KIF26A: variants seen among roughly 807,000 people sequenced by gnomAD.
The protein encoded by KIF26A is kinesin-like protein KIF26A.
A neutral mutation model predicts 126.0 loss-of-function variants in KIF26A; 74 were observed. The observed-to-expected ratio is 0.59, with a 90% CI of 0.49 to 0.71. KIF26A has a LOEUF of 0.71. KIF26A is among the 30% of genes least tolerant of loss of function. KIF26A has a pLI of 0.00. For missense variants in KIF26A, 2,984 were observed against 2,763.3 expected, an observed-to-expected ratio of 1.08 and a Z score of -1.79; for synonymous variants, 1,445 against 1,232.7, an observed-to-expected ratio of 1.17 and a Z score of -3.61.
intron 4 of KIF26A, among the ~76,000 whole-genome samples, chr14:104,161,030 C>T (rs1229427724): frequency 9.1e-6 from 1 of 109,952 alleles, no homozygotes; most frequent in Non-Finnish European, 1.9e-5. Context: ...GGAGAGTGCG[C>T]TGCCCGAGGC....
At chr14:104,169,447 C>T (rs1200998786) in intron 5 of KIF26A, among the ~76,000 whole-genome samples, 1 of 152,214 alleles carries the variant, frequency 6.6e-6, no homozygotes, top group Non-Finnish European at 1.5e-5. Context: ...TCCCTTCTCT[C>T]CATGGCAGTC....
intron 4 of KIF26A, 93 bp downstream of exon 4, chr14:104,158,035 C>G: frequency 1.7e-6 from 2 of 1,211,786 alleles, no homozygotes; most frequent in Non-Finnish European, 2.2e-6. Flanking sequence ...TCTTGGGGGA[C>G]CTCGGGCATG....
chr14:104,155,103 T>A (rs987177968), intron 3 of KIF26A, among the ~76,000 whole-genome samples: 1 of 152,150 alleles, frequency 6.6e-6, no homozygotes, highest in African/African-American at 2.4e-5. Context: ...TCCACACCCG[T>A]GCAGGGGTGA....
At chr14:104,165,401 T>A (rs1659086522) in intron 4 of KIF26A, among the ~76,000 whole-genome samples, 1 of 92,630 alleles carries the variant, frequency 1.1e-5, no homozygotes, top group South Asian at 3.2e-4. Context: ...TGTATGCATA[T>A]GTGTTCTGTG....
At chr14:104,179,124 T>C in intron 13 of KIF26A, 112 bp from the exon 14 acceptor site, 1 of 1,244,958 alleles carries the variant, frequency 8.0e-7, no homozygotes, top group Non-Finnish European at 1.1e-6. Flanking sequence ...AGCCCCACTG[T>C]GTGCCTGCCA....
chr14:104,154,273 C>T (rs2037756824), intron 3 of KIF26A, among the ~76,000 whole-genome samples: 1 of 152,164 alleles, frequency 6.6e-6, no homozygotes, highest in Admixed American at 6.5e-5. Flanking sequence ...GCAGCCCCCT[C>T]TGTTACACGA....
intron 4 of KIF26A, among the ~76,000 whole-genome samples, chr14:104,158,552 G>A (rs915507640): frequency 2.6e-5 from 4 of 152,206 alleles, no homozygotes; most frequent in African/African-American, 9.6e-5. Flanking sequence ...CCACATTGGG[G>A]GACCATGTCT....
chr14:104,173,698 G>T lies in KIF26A; in HGVS notation c.1868-8G>T. On this transcript the variant is annotated splice_polypyrimidine_tract_variant and splice_region_variant and intron_variant, in intron 9 of 14. Transcript: ENST00000423312. Reference sequence around the variant, plus strand: ...CTACACCATCATTTGCTTGCCTTGTGGTTCCAGTGTCCGGAGGCCGCAGCC... The same window carrying T: ...CTACACCATCATTTGCTTGCCTTGTTGTTCCAGTGTCCGGAGGCCGCAGCC... 1 of 1,610,458 alleles carries T rather than the reference G, an allele frequency of 6.2e-7. No individual in the cohort carries two copies. Among genetic ancestry groups the T allele is most frequent in the Non-Finnish European group, 8.5e-7 (1 of 1,179,326 alleles).
chr14:104,172,721 C>T (rs866798464), intron 7 of KIF26A, 53 bp downstream of exon 7: 3 of 1,378,336 alleles, frequency 2.2e-6, no homozygotes, highest in Non-Finnish European at 3.0e-6. Context: ...CCCCTCCCAT[C>T]CTCATCACGG....
intron 4 of KIF26A, among the ~76,000 whole-genome samples, chr14:104,165,723 GTGTGTTTCTGTATGCATATGTGTGTC>G (rs1280282095): frequency 8.6e-5 from 13 of 151,590 alleles, no homozygotes; most frequent in South Asian, 2.1e-4. Flanking sequence ...ATGTGTGTCT[GTGTGTTTCTGTATGCATATGTGTGTC>G]TGTGTTTCTG....
chr14:104,139,290 T>A lies in KIF26A; in HGVS notation c.288+2T>A. On this transcript the variant is annotated splice_donor_variant, in intron 2 of 14. Coordinates refer to ENST00000423312, the MANE Select transcript of KIF26A (RefSeq NM_015656.2). LOFTEE classifies it high-confidence loss of function. ...AGCGGGCCCGGGACCACCCTCCGGG[T>A]AAGTGACACTTCCTTAGGCCGACCC... 6.7e-7 allele frequency: 1 copy of A among 1,498,482 alleles called. No individual in the cohort carries two copies. Among genetic ancestry groups the A allele is most frequent in the South Asian group, 1.3e-5 (1 of 76,206 alleles). The allele number at this position is 1,498,482 out of a possible 1,614,324, so 92.8% of individuals were successfully genotyped here. A position where few individuals can be genotyped will look rare whatever the true frequency, so the allele number is the denominator to read the frequency against.
chr14:104,177,869 G>A lies in KIF26A; in HGVS notation c.5081G>A (p.Ser1694Asn). 2 of 1,553,052 alleles carry A rather than the reference G, an allele frequency of 1.3e-6. No homozygotes were observed. Among genetic ancestry groups the A allele is most frequent in the South Asian group, 1.2e-5 (1 of 84,500 alleles). The change falls in exon 12 of 15, where the codon AGC (serine) becomes AAC (asparagine). Residue 1694 changes from serine to asparagine, a missense_variant. Physicochemically the swap from Ser to Asn is conservative, Grantham distance 46. Coordinates refer to ENST00000423312, the MANE Select transcript of KIF26A (RefSeq NM_015656.2). The stretch of plus-strand genomic sequence containing the variant: ...GCCTCCCCAGGCGCCCGCACCCGCA[G>A]CCTCAAGTCCCCCAAGAAGAGGGCC... ...GAASPGARTR[S>N]LKSPKKRATG...
chr14:104,157,251 C>G (rs1233650525), intron 3 of KIF26A, among the ~76,000 whole-genome samples: 1 of 152,166 alleles, frequency 6.6e-6, no homozygotes, highest in East Asian at 1.9e-4. Flanking sequence ...GGTAGTATTT[C>G]AGATGAGGGA....
rs1338138332 is a variant in KIF26A, at chr14:104,176,131, A to G, written c.3343A>G (p.Ser1115Gly). 2 of 1,579,780 alleles carry G rather than the reference A, an allele frequency of 1.3e-6. No individual in the cohort carries two copies. Among genetic ancestry groups the G allele is most frequent in the Non-Finnish European group, 8.6e-7 (1 of 1,163,878 alleles). ...CGGCTCCTCCATCAGCTCCTGGCTCAGCGAGGTCAGCGTCTGCACTGCCGA... is the reference window on the plus strand; with the variant it reads ...CGGCTCCTCCATCAGCTCCTGGCTCGGCGAGGTCAGCGTCTGCACTGCCGA... Reference protein sequence around the residue: ...SHGSSISSWLSEVSVCTADSR... With the variant: ...SHGSSISSWLGEVSVCTADSR... The change falls in exon 12 of 15, where the codon AGC becomes GGC. Residue 1115 changes from serine to glycine, a missense_variant. By Grantham distance (56) the Ser-to-Gly change is moderately conservative (BLOSUM62 0). Coordinates refer to ENST00000423312, the MANE Select transcript of KIF26A (RefSeq NM_015656.2).
At chr14:104,155,922 C>T (rs1010772522) in intron 3 of KIF26A, among the ~76,000 whole-genome samples, 3 of 152,232 alleles carry the variant, frequency 2.0e-5, no homozygotes, top group African/African-American at 7.2e-5. Context: ...GCAGCCCCTC[C>T]AGCCTCGGTG....
At chr14:104,150,071 G>C (rs1298189411) in intron 2 of KIF26A, among the ~76,000 whole-genome samples, 2 of 152,052 alleles carry the variant, frequency 1.3e-5, no homozygotes, top group African/African-American at 4.8e-5. Flanking sequence ...CGCATCAGCA[G>C]AGCTAAGCGG....
chr14:104,143,281 G>C (rs2037652835), intron 2 of KIF26A, among the ~76,000 whole-genome samples: 2 of 152,216 alleles, frequency 1.3e-5, no homozygotes, highest in Non-Finnish European at 2.9e-5. Flanking sequence ...CTGTGGCTCT[G>C]GACTCTCCTC....
Position 104,179,849 on chromosome 14 carries a change from C to T in KIF26A, c.*59C>T, listed in dbSNP as rs558892525. The T allele has an allele frequency of 7.1e-6, 10 of 1,403,716 alleles. No individual in the cohort carries two copies. The highest frequency in any genetic ancestry group is 4.7e-4 in the Middle Eastern group (2 of 4,228). The allele number at this position is 1,403,716 out of a possible 1,614,324, so 87.0% of individuals were successfully genotyped here. A position where few individuals can be genotyped will look rare whatever the true frequency, so the allele number is the denominator to read the frequency against. On this transcript the variant is annotated 3_prime_UTR_variant, in exon 15 of 15. Coordinates refer to ENST00000423312, the MANE Select transcript of KIF26A (RefSeq NM_015656.2). ...GCGGGCTGGAGGACGGGACGTGGGA[C>T]GGAGCGAGGATGTGGTGGGGGCTGC... is the stretch of plus-strand genomic sequence containing the variant.
chr14:104,139,291 AAGTG>A lies in KIF26A; in HGVS notation c.288+5_288+8del, dbSNP rs1566852362. 2.0e-6 allele frequency: 3 copies of A among 1,498,984 alleles called. No individual in the cohort carries two copies. Among genetic ancestry groups the A allele is most frequent in the Non-Finnish European group, 2.7e-6 (3 of 1,123,006 alleles). The allele number at this position is 1,498,984 out of a possible 1,614,324, so 92.9% of individuals were successfully genotyped here. A position where few individuals can be genotyped will look rare whatever the true frequency, so the allele number is the denominator to read the frequency against. On this transcript the variant is annotated splice_donor_5th_base_variant and intron_variant, in intron 2 of 14. Transcript: ENST00000423312. ...GCGGGCCCGGGACCACCCTCCGGGTAAGTGACACTTCCTTAGGCCGACCCCTCCG... is the reference window on the plus strand; with the variant it reads ...GCGGGCCCGGGACCACCCTCCGGGTAACACTTCCTTAGGCCGACCCCTCCG...
Sources: allele counts gnomAD v4.1 joint callset (sites outside exome capture counted in the v4.1 genomes callset), GRCh38; gene constraint gnomAD v4.1.1; transcripts MANE v1.5; gene names NCBI Gene and HGNC (gene_info 2026-07-23, HGNC 2026-07-21).